TP53BP1: variants seen among roughly 807,000 people sequenced by gnomAD.
The protein encoded by TP53BP1 is tumor protein p53 binding protein 1.
A neutral mutation model predicts 200.8 loss-of-function variants in TP53BP1; 61 were observed. The observed-to-expected ratio is 0.30, with a 90% CI of 0.25 to 0.38. The LOEUF (loss-of-function observed/expected upper bound fraction) is 0.38. TP53BP1 is among the 10% of genes least tolerant of loss of function. TP53BP1 has a pLI of 1.00. For missense variants in TP53BP1, 2,144 were observed against 2,371.9 expected (o/e 0.90, Z 2.00); for synonymous variants, 822 against 844.3 (o/e 0.97, Z 0.46).
intron 4 of TP53BP1, among the ~76,000 whole-genome samples, chr15:43,486,470 A>G (rs2079048963): frequency 6.6e-6 from 1 of 152,236 alleles, no homozygotes; most frequent in African/African-American, 2.4e-5. Context: ...TTTACATATA[A>G]AACACATTTA....
chr15:43,459,933 C>A (rs1229469638), intron 11 of TP53BP1, among the ~76,000 whole-genome samples: 13 of 152,068 alleles, frequency 8.5e-5, no homozygotes, highest in Admixed American at 7.9e-4. Flanking sequence ...TGTGTGATTG[C>A]CTAGGGCGGG....
At position 43,451,429 on chromosome 15, in the gene TP53BP1, G is replaced by A. The variant is rs1170957143; in HGVS notation, c.2717-3944C>T. ...TATTCCCATCTATGAGTGAGAACAT[G>A]CGGTGTTTGGTTTTTTGTCCTTGCG... On this transcript the variant is annotated intron_variant, in intron 12 of 27. Coordinates refer to ENST00000382044, the MANE Select transcript of TP53BP1 (RefSeq NM_001141980.3). 3.3e-5 allele frequency among the ~76,000 whole-genome samples: 5 copies of A among 150,784 alleles called. No individual in the cohort carries two copies. The South Asian group carries it at 1.1e-3, about 32-fold the overall frequency.
intron 18 of TP53BP1, among the ~76,000 whole-genome samples, chr15:43,427,522 T>C (rs2045569407): frequency 1.3e-5 from 2 of 152,240 alleles, no homozygotes; most frequent in African/African-American, 4.8e-5. Flanking sequence ...AGCAAACCTA[T>C]GGCTGGGGAA....
At chr15:43,505,760 T>C (rs1013478059) in intron 1 of TP53BP1, among the ~76,000 whole-genome samples, 3 of 152,224 alleles carry the variant, frequency 2.0e-5, no homozygotes, top group African/African-American at 7.2e-5. Context: ...AGTGCCTTTT[T>C]AAAGGTTATT....
At position 43,404,750 on chromosome 15, in the gene TP53BP1, T is replaced by TAAA. The variant is rs2044801981; in HGVS notation, c.*2630_*2632dup. 10 of 626,326 alleles carry TAAA rather than the reference T, an allele frequency of 1.6e-5. No homozygotes were observed. Among genetic ancestry groups the TAAA allele is most frequent in the Non-Finnish European group, 1.6e-5 (6 of 377,090 alleles). 38.8% of individuals were successfully genotyped at this position (626,326 alleles called of 1,614,324 possible). A position where few individuals can be genotyped will look rare whatever the true frequency, so the allele number is the denominator to read the frequency against. On this transcript the variant is annotated 3_prime_UTR_variant, in exon 28 of 28. Coordinates refer to ENST00000382044, the MANE Select transcript of TP53BP1 (RefSeq NM_001141980.3). ...AGAAGTCATCATCATCATAAAATACTAAAAAACCTGACAGTGAGATAGGTG... is the reference window on the plus strand; with the variant it reads ...AGAAGTCATCATCATCATAAAATACTAAAAAAAAACCTGACAGTGAGATAGGTG...
At chr15:43,447,105 C>G in intron 13 of TP53BP1, 1 of 466,772 alleles carries the variant, frequency 2.1e-6, no homozygotes, top group Non-Finnish European at 3.9e-6. Flanking sequence ...TCAGATTCTA[C>G]TGCCTTGCAA....
upstream of TP53BP1, among the ~76,000 whole-genome samples, chr15:43,495,636 T>C (rs1453881333): frequency 1.3e-5 from 2 of 151,374 alleles, no homozygotes; most frequent in Non-Finnish European, 1.5e-5. Flanking sequence ...GCTAACACGG[T>C]GAAACACGGT....
chr15:43,473,246 G>A (rs1046950034), intron 10 of TP53BP1, among the ~76,000 whole-genome samples: 1 of 152,108 alleles, frequency 6.6e-6, no homozygotes, highest in Non-Finnish European at 1.5e-5. Context: ...CACTGTGGAA[G>A]GGGACCCGAG....
chr15:43,409,857 C>T (rs112862255), intron 24 of TP53BP1, 116 bp from the exon 25 acceptor site: 27 of 492,892 alleles, frequency 5.5e-5, no homozygotes, highest in African/African-American at 4.0e-4. Context: ...AACAGTGTGT[C>T]CCCAAAGACA....
intron 1 of TP53BP1, among the ~76,000 whole-genome samples, chr15:43,509,881 A>C (rs1373900735): frequency 6.6e-6 from 1 of 151,970 alleles, no homozygotes; most frequent in Non-Finnish European, 1.5e-5. Flanking sequence ...AAAAACAAAA[A>C]AACAAGTGCT....
At chr15:43,498,964 C>G (rs753169227) in intron 1 of TP53BP1, among the ~76,000 whole-genome samples, 1 of 151,650 alleles carries the variant, frequency 6.6e-6, no homozygotes, top group African/African-American at 2.4e-5. Context: ...AGAAATCAGA[C>G]CCAGGATGGT....
Position 43,406,263 on chromosome 15 carries a change from C to A in TP53BP1, c.*1120G>T. Reference sequence around the variant, plus strand: ...AAAAAGAAATATTCACTGAACAACGCCCTCCAAACTGAAAAAGAATGCAGT... The same window carrying A: ...AAAAAGAAATATTCACTGAACAACGACCTCCAAACTGAAAAAGAATGCAGT... On this transcript the variant is annotated 3_prime_UTR_variant, in exon 28 of 28. Coordinates refer to ENST00000382044, the MANE Select transcript of TP53BP1 (RefSeq NM_001141980.3). 5.0e-6 allele frequency: 1 copy of A among 200,454 alleles called. No individual in the cohort carries two copies. Among genetic ancestry groups the A allele is most frequent in the Non-Finnish European group, 1.0e-5 (1 of 97,482 alleles). The allele number at this position is 200,454 out of a possible 1,614,324, so 12.4% of individuals were successfully genotyped here. A position where few individuals can be genotyped will look rare whatever the true frequency, so the allele number is the denominator to read the frequency against.
chr15:43,415,695 C>T lies in TP53BP1; in HGVS notation c.4988G>A (p.Arg1663His), dbSNP rs373841537. Residue 1663 changes from arginine (R) to histidine (H), a missense_variant, in exon 23 of 28, where the codon CGT becomes CAT. By Grantham distance (29) the Arg-to-His change is conservative (BLOSUM62 0). This residue lies in a region of TP53BP1 where 334 missense variants were observed against 453.4 expected (regional missense o/e 0.74). Transcript: ENST00000382044. ...GCCTGAGAGAACTCCCATGGAGGCA[C>T]GAGGACTTTCTGTGATCTTTCGGGT... ...TPTRKITESP[R>H]ASMGVLSGKR... The T allele has an allele frequency of 1.1e-5, 17 of 1,614,028 alleles. No homozygotes were observed. Among genetic ancestry groups the T allele is most frequent in the African/African-American group, 2.7e-5 (2 of 74,914 alleles).
In TP53BP1 at chr15:43,474,771, T is replaced by C; in HGVS notation, c.1086-4A>G. 6.3e-7 allele frequency: 1 copy of C among 1,592,536 alleles called. No individual in the cohort carries two copies. Among genetic ancestry groups the C allele is most frequent in the Non-Finnish European group, 8.6e-7 (1 of 1,160,870 alleles). On this transcript the variant is annotated splice_region_variant and splice_polypyrimidine_tract_variant and intron_variant, in intron 9 of 27. Transcript: ENST00000382044. ...AGCAACAAGATCTGAAGAATTCCTT[T>C]ATATAAAGAGAGAATCACAGGTTAT...
chr15:43,406,857 C>G lies in TP53BP1; in HGVS notation c.*526G>C. 3.2e-6 allele frequency: 1 copy of G among 313,720 alleles called. No individual in the cohort carries two copies. The highest frequency in any genetic ancestry group is 6.2e-6 in the Non-Finnish European group (1 of 160,598). The allele number at this position is 313,720 out of a possible 1,614,324, so 19.4% of individuals were successfully genotyped here. ...TGGTCCTTTCGTTCTCCCTTTAGCTCTAAGAGTTGGGGAGTACCCACAGGT... is the reference window on the plus strand; with the variant it reads ...TGGTCCTTTCGTTCTCCCTTTAGCTGTAAGAGTTGGGGAGTACCCACAGGT... On this transcript the variant is annotated 3_prime_UTR_variant, in exon 28 of 28. Transcript: ENST00000382044.
chr15:43,428,359 G>T (rs941238920), intron 17 of TP53BP1, among the ~76,000 whole-genome samples, 191 bp from the exon 18 acceptor site: 1 of 152,146 alleles, frequency 6.6e-6, no homozygotes, highest in East Asian at 1.9e-4. Flanking sequence ...GAGGCTAAGA[G>T]AAGTTTATAT....
chr15:43,488,855 T>C (rs1033008408), intron 4 of TP53BP1, among the ~76,000 whole-genome samples: 10 of 151,972 alleles, frequency 6.6e-5, no homozygotes, highest in East Asian at 1.9e-4. Flanking sequence ...GATCACACCA[T>C]TGCACTCCAG....
At chr15:43,483,338 T>C (rs957539770) in intron 4 of TP53BP1, among the ~76,000 whole-genome samples, 1 of 151,978 alleles carries the variant, frequency 6.6e-6, no homozygotes, top group Non-Finnish European at 1.5e-5. Context: ...ACTTGGGGAA[T>C]ATGTTAAGTT....
chr15:43,460,088 G>A (rs947503685), intron 11 of TP53BP1, among the ~76,000 whole-genome samples: 1 of 151,946 alleles, frequency 6.6e-6, no homozygotes, highest in Non-Finnish European at 1.5e-5. Context: ...AAACATACAC[G>A]TAAAATAATT....
Sources: allele counts gnomAD v4.1 joint callset (sites outside exome capture counted in the v4.1 genomes callset), GRCh38; gene constraint gnomAD v4.1.1; regional missense constraint gnomAD v4.1.1; transcripts MANE v1.5; gene names NCBI Gene and HGNC (gene_info 2026-07-23, HGNC 2026-07-21).